Variants in NELL2 observed in about 807,000 individuals in gnomAD.
NELL2 encodes neural EGFL like 2, also known as protein kinase C-binding protein NELL2.
A neutral mutation model predicts 109.6 loss-of-function variants in NELL2; 41 were observed. The observed-to-expected ratio is 0.37, with a 90% CI of 0.29 to 0.49. The LOEUF (loss-of-function observed/expected upper bound fraction) is 0.49, where lower values mean the gene tolerates loss of function less well. NELL2 is among the 20% of genes least tolerant of loss of function. The pLI is 0.98. For missense variants in NELL2, 900 were observed against 1,008.3 expected (o/e 0.89, Z 1.45); for synonymous variants, 355 against 344.7 (o/e 1.03, Z -0.33).
intron 9 of NELL2, among the ~76,000 whole-genome samples, chr12:44,737,690 C>T (rs1939722977): frequency 2.6e-5 from 4 of 152,048 alleles, no homozygotes; most frequent in Admixed American, 2.6e-4. Flanking sequence ...AATCATTCTT[C>T]CACTTTCTAT....
At chr12:44,603,050 A>G (rs1309426294) in intron 15 of NELL2, among the ~76,000 whole-genome samples, 1 of 152,254 alleles carries the variant, frequency 6.6e-6, no homozygotes, top group Non-Finnish European at 1.5e-5. Flanking sequence ...TGTAGGCCTC[A>G]TGCTTCATTT....
At chr12:44,797,300 T>C (rs879874554) in intron 3 of NELL2, among the ~76,000 whole-genome samples, 1 of 152,104 alleles carries the variant, frequency 6.6e-6, no homozygotes, top group Admixed American at 6.6e-5. Context: ...GAGCCTTCCC[T>C]ATTGCATCAA....
intron 13 of NELL2, among the ~76,000 whole-genome samples, chr12:44,618,618 G>T (rs887787975): frequency 2.6e-5 from 4 of 152,094 alleles, no homozygotes; most frequent in Admixed American, 6.5e-5. Context: ...TGATTTTAAG[G>T]TTTCAGCTAT....
chr12:44,899,426 C>T (rs1333733747), intron 1 of NELL2, among the ~76,000 whole-genome samples: 3 of 152,086 alleles, frequency 2.0e-5, no homozygotes, highest in Non-Finnish European at 4.4e-5. Context: ...CTGCAGAAAC[C>T]CTACAAGCCA....
At chr12:44,892,283 C>T (rs181278424) in intron 1 of NELL2, among the ~76,000 whole-genome samples, 4 of 152,294 alleles carry the variant, frequency 2.6e-5, no homozygotes, top group African/African-American at 9.6e-5. Flanking sequence ...CAGGCTTCTA[C>T]TTCCAATTCT....
intron 13 of NELL2, among the ~76,000 whole-genome samples, chr12:44,657,522 G>A (rs944027616): frequency 1.3e-5 from 2 of 152,060 alleles, no homozygotes; most frequent in East Asian, 1.9e-4. Flanking sequence ...GGATACATGT[G>A]CAGAACGTGC....
chr12:44,591,478 C>T (rs7979953), intron 15 of NELL2, among the ~76,000 whole-genome samples: 1,050 of 43,980 alleles, frequency 0.024, 10 homozygotes, highest in South Asian at 0.15. Context: ...CTTACAGCAA[C>T]ATGGATGAGA....
chr12:44,788,438 T>A (rs1942260343), intron 3 of NELL2, among the ~76,000 whole-genome samples: 1 of 152,098 alleles, frequency 6.6e-6, no homozygotes, highest in Non-Finnish European at 1.5e-5. Flanking sequence ...TTTCCAAACT[T>A]ACCTAGAGCT....
At chr12:44,571,801 C>T (rs1410702017) in intron 15 of NELL2, among the ~76,000 whole-genome samples, 2 of 152,210 alleles carry the variant, frequency 1.3e-5, no homozygotes, top group East Asian at 3.8e-4. Context: ...AATAATTTGA[C>T]TATAGAACTT....
chr12:44,534,853 A>G (rs1271110629), intron 15 of NELL2, among the ~76,000 whole-genome samples: 2 of 152,064 alleles, frequency 1.3e-5, no homozygotes, highest in Admixed American at 6.6e-5. Context: ...CAACTTTCCC[A>G]TTATATTTAG....
At chr12:44,687,781 T>C (rs1369054117) in intron 12 of NELL2, among the ~76,000 whole-genome samples, 1 of 152,238 alleles carries the variant, frequency 6.6e-6, no homozygotes, top group Non-Finnish European at 1.5e-5. Context: ...CTTAATGAAG[T>C]TGCAAAAAGA....
At position 44,649,545 on chromosome 12, in the gene NELL2, C is replaced by G. The variant is rs1947229807; in HGVS notation, c.1444+15939G>C. On this transcript the variant is annotated intron_variant, in intron 13 of 19. Transcript: ENST00000429094. ...GTGTCCCCACATCCTGCAGTGGTCC[C>G]CAGTGGCAGGGGTGATACATACTAC... Among the ~76,000 whole-genome samples the G allele has an allele frequency of 1.3e-5, 2 of 152,080 alleles. 1 individual carries two copies. The highest frequency in any genetic ancestry group is 2.9e-5 in the Non-Finnish European group (2 of 68,014).
intron 2 of NELL2, among the ~76,000 whole-genome samples, chr12:44,857,618 G>T (rs2136795891): frequency 6.6e-6 from 1 of 152,230 alleles, no homozygotes; most frequent in Admixed American, 6.5e-5. Context: ...TTGTTTTTCA[G>T]AACTTCTAAA....
intron 15 of NELL2, among the ~76,000 whole-genome samples, chr12:44,605,207 TCAG>T (rs1177353180): frequency 6.6e-6 from 1 of 152,100 alleles, no homozygotes; most frequent in Non-Finnish European, 1.5e-5. Flanking sequence ...GACCTTTGTA[TCAG>T]CTTCTAACTC....
chr12:44,700,157 T>C (rs943482608), intron 12 of NELL2, among the ~76,000 whole-genome samples: 23 of 152,198 alleles, frequency 1.5e-4, no homozygotes, highest in African/African-American at 4.1e-4. Context: ...TCTAAACCTC[T>C]CTCCTCATCA....
intron 1 of NELL2, among the ~76,000 whole-genome samples, chr12:44,888,444 G>C (rs1206990745): frequency 1.5e-5 from 2 of 137,402 alleles, no homozygotes; most frequent in African/African-American, 5.4e-5. Context: ...AAGAAAAAAA[G>C]AGAGAAGACC....
At chr12:44,666,950 C>T (rs1947944670) in intron 12 of NELL2, among the ~76,000 whole-genome samples, 1 of 152,142 alleles carries the variant, frequency 6.6e-6, no homozygotes, top group African/African-American at 2.4e-5. Flanking sequence ...TACCTTCTCT[C>T]CCTGACACCA....
intron 11 of NELL2, 37 bp downstream of exon 11, chr12:44,711,255 T>C: frequency 1.4e-6 from 2 of 1,447,674 alleles, no homozygotes; most frequent in Non-Finnish European, 1.9e-6. Flanking sequence ...CTATAATAAC[T>C]CTTGCACGTA....
chr12:44,602,798 C>A (rs1194118853), intron 15 of NELL2, among the ~76,000 whole-genome samples: 1 of 151,892 alleles, frequency 6.6e-6, no homozygotes, highest in Admixed American at 6.6e-5. Flanking sequence ...CTTAAAAAAA[C>A]AAATATTAAT....
Sources: allele counts gnomAD v4.1 joint callset (sites outside exome capture counted in the v4.1 genomes callset), GRCh38; gene constraint gnomAD v4.1.1; transcripts MANE v1.5; gene names NCBI Gene and HGNC (gene_info 2026-07-23, HGNC 2026-07-21).